LRRC1: variants seen among roughly 807,000 people sequenced by gnomAD.
LRRC1 encodes the protein leucine-rich repeat-containing protein 1.
In LRRC1, 28 loss-of-function variants were observed where a neutral mutation model predicts 69.9. That is an observed-to-expected ratio of 0.40 (90% CI 0.30 to 0.55). LRRC1 has a LOEUF of 0.55. Ranked by LOEUF, LRRC1 falls within the 20% of genes least tolerant of loss-of-function variation. The pLI, the probability that LRRC1 is intolerant of heterozygous loss-of-function variation, is 0.47. For synonymous variants in LRRC1, 236 were observed against 240.2 expected (o/e 0.98, Z 0.16); for missense variants, 498 against 609.0 (o/e 0.82, Z 1.92).
intron 4 of LRRC1, among the ~76,000 whole-genome samples, chr6:53,883,629 C>T (rs1356296650): frequency 6.6e-6 from 1 of 152,204 alleles, no homozygotes; most frequent in African/African-American, 2.4e-5. Flanking sequence ...GTTGAATTAT[C>T]TTTGCAGACT....
At chr6:53,912,215 G>A (rs1484136819) in intron 10 of LRRC1, among the ~76,000 whole-genome samples, 1 of 152,168 alleles carries the variant, frequency 6.6e-6, no homozygotes, top group Non-Finnish European at 1.5e-5. Flanking sequence ...TCAGGTAAAT[G>A]ATCTTAGGGT....
intron 10 of LRRC1, among the ~76,000 whole-genome samples, 169 bp from the exon 11 acceptor site, chr6:53,913,685 G>A (rs1441645615): frequency 6.6e-6 from 1 of 152,166 alleles, no homozygotes; most frequent in African/African-American, 2.4e-5. Flanking sequence ...ATATGGGGCT[G>A]CGTTTTGTAA....
Position 53,920,709 on chromosome 6 carries a change from T to G in LRRC1, c.1364T>G (p.Val455Gly). Reference protein sequence around the residue: ...EAWNERAVNRVSAIRFVEDEK... With the variant: ...EAWNERAVNRGSAIRFVEDEK... ...TGGAACGAGCGTGCTGTCAACAGAG[T>G]CAGTGCGATCCGATTTGTGGAGGAT... Residue 455 changes from valine (V) to glycine (G), a missense_variant, in exon 13 of 14, where the codon GTC (valine) becomes GGC (glycine). By Grantham distance (109) the Val-to-Gly change is moderately radical. This residue lies in a region of LRRC1 where 162 missense variants were observed against 162.9 expected (regional missense o/e 0.99). Transcript: ENST00000370888. The G allele has an allele frequency of 1.9e-6, 3 of 1,614,052 alleles. No homozygotes were observed. Among genetic ancestry groups the G allele is most frequent in the Non-Finnish European group, 2.5e-6 (3 of 1,179,974 alleles).
At chr6:53,835,981 C>T (rs1229644701) in intron 1 of LRRC1, among the ~76,000 whole-genome samples, 2 of 152,270 alleles carry the variant, frequency 1.3e-5, no homozygotes, top group South Asian at 2.1e-4. Flanking sequence ...TTTCCATTGG[C>T]AGAAAGGACA....
chr6:53,896,139 A>G (rs562052866), intron 4 of LRRC1, among the ~76,000 whole-genome samples: 2 of 152,318 alleles, frequency 1.3e-5, no homozygotes, highest in African/African-American at 2.4e-5. Flanking sequence ...TTGGCATTTG[A>G]AAGTCTAGAT....
intron 4 of LRRC1, among the ~76,000 whole-genome samples, chr6:53,896,057 C>G (rs1219207697): frequency 1.3e-5 from 2 of 152,312 alleles, no homozygotes; most frequent in African/African-American, 4.8e-5. Flanking sequence ...GATGATCTCT[C>G]ACTGATACTG....
At chr6:53,877,734 C>G (rs1479460530) in intron 2 of LRRC1, among the ~76,000 whole-genome samples, 1 of 152,148 alleles carries the variant, frequency 6.6e-6, no homozygotes, top group African/African-American at 2.4e-5. Flanking sequence ...TCAGCCTGAA[C>G]TTTATTATCC....
intron 2 of LRRC1, among the ~76,000 whole-genome samples, chr6:53,878,558 A>G (rs1195769352): frequency 6.6e-6 from 1 of 152,184 alleles, no homozygotes; most frequent in African/African-American, 2.4e-5. Flanking sequence ...TGAGAATCTA[A>G]TGTGGGCGCT....
intron 1 of LRRC1, among the ~76,000 whole-genome samples, chr6:53,822,261 A>G (rs1005565274): frequency 5.3e-5 from 8 of 152,178 alleles, no homozygotes; most frequent in Non-Finnish European, 7.3e-5. Flanking sequence ...AAGACCAAGG[A>G]ACATGGTTTA....
rs1394785253 is a variant in LRRC1 at position 53,842,090 on chromosome 6, T to C, written c.160-20T>C. On this transcript the variant is annotated intron_variant, in intron 1 of 13. Coordinates refer to ENST00000370888, the MANE Select transcript of LRRC1 (RefSeq NM_018214.5). ...ATACAAACATATGTGAAATCTATGT[T>C]AAACTCTTTTGTCTTTCAGCAATTT... is the stretch of plus-strand genomic sequence containing the variant. The C allele has an allele frequency of 6.8e-7, 1 of 1,464,640 alleles. No homozygotes were observed. The highest frequency in any genetic ancestry group is 1.1e-5 in the South Asian group (1 of 87,356). 90.7% of individuals were successfully genotyped at this position (1,464,640 alleles called of 1,614,324 possible).
chr6:53,828,326 TTCACAGGGCTAGGACCTGGGAGCCCTG>T (rs1765331654), intron 1 of LRRC1, among the ~76,000 whole-genome samples: 1 of 152,254 alleles, frequency 6.6e-6, no homozygotes, highest in Non-Finnish European at 1.5e-5. Flanking sequence ...CTGTTAGTTA[TTCACAGGGCTAGGACCTGGGAGCCCTG>T]TCACAGGGCA....
chr6:53,873,401 C>T (rs910204369), intron 2 of LRRC1, among the ~76,000 whole-genome samples: 8 of 151,394 alleles, frequency 5.3e-5, no homozygotes, highest in Non-Finnish European at 1.2e-4. Flanking sequence ...ATGCCATTCT[C>T]CTGCCTCAGC....
chr6:53,872,845 C>A (rs1766938609), intron 2 of LRRC1, among the ~76,000 whole-genome samples: 1 of 150,162 alleles, frequency 6.7e-6, no homozygotes, highest in African/African-American at 2.5e-5. Context: ...CAACCTTGGC[C>A]TCCCACGTTC....
chr6:53,830,859 G>A (rs1402154882), intron 1 of LRRC1, among the ~76,000 whole-genome samples: 1 of 150,474 alleles, frequency 6.6e-6, no homozygotes, highest in Non-Finnish European at 1.5e-5. Context: ...AATTAAAATT[G>A]TGTGATTTTA....
At chr6:53,878,808 T>C (rs1326508311) in intron 2 of LRRC1, among the ~76,000 whole-genome samples, 185 bp from the exon 3 acceptor site, 2 of 152,222 alleles carry the variant, frequency 1.3e-5, no homozygotes, top group Non-Finnish European at 2.9e-5. Flanking sequence ...AATGTGCTTC[T>C]GTTGAGAATA....
chr6:53,798,473 G>C (rs977779307), intron 1 of LRRC1, among the ~76,000 whole-genome samples: 3 of 152,154 alleles, frequency 2.0e-5, no homozygotes, highest in African/African-American at 7.2e-5. Flanking sequence ...CCTCCTTCTG[G>C]GTTCACACCA....
chr6:53,827,215 G>T (rs6458966), intron 1 of LRRC1, among the ~76,000 whole-genome samples: 125,553 of 151,696 alleles, frequency 0.83, 52,134 homozygotes, highest in East Asian at 0.92. Flanking sequence ...CAGCCTAGAG[G>T]TTGTGAGGGT....
intron 10 of LRRC1, among the ~76,000 whole-genome samples, chr6:53,911,688 C>T (rs754889903): frequency 1.4e-4 from 21 of 152,338 alleles, no homozygotes; most frequent in African/African-American, 4.3e-4. Context: ...AGCCTGACAC[C>T]GAAGCTCCTC....
intron 2 of LRRC1, among the ~76,000 whole-genome samples, chr6:53,859,291 C>CA (rs1472985711): frequency 6.6e-6 from 1 of 152,160 alleles, no homozygotes; most frequent in Admixed American, 6.5e-5. Flanking sequence ...TTGTTTCTCC[C>CA]AAGTGGGCTC....
Sources: gnomAD v4.1 joint callset for allele counts (sites outside exome capture counted in the v4.1 genomes callset) on GRCh38, gnomAD v4.1.1 for gene constraint, gnomAD v4.1.1 regional missense constraint, MANE v1.5 for transcripts, NCBI Gene and HGNC (gene_info 2026-07-23, HGNC 2026-07-21) for gene names.